Variants in SOD2 observed in about 807,000 individuals in gnomAD.
The protein encoded by SOD2 is superoxide dismutase 2, also known as superoxide dismutase [Mn], mitochondrial.
Under a neutral mutation model 27.0 loss-of-function variants are expected in SOD2, and 11 were observed. The ratio of observed to expected loss-of-function variants is 0.41; its 90% confidence interval spans 0.26 to 0.67. The LOEUF (loss-of-function observed/expected upper bound fraction) is 0.67, where lower values mean the gene tolerates loss of function less well. Among genes scored for constraint, SOD2 ranks in the 30% least tolerant of loss-of-function variants. The pLI is 0.34. For synonymous variants in SOD2, 105 were observed against 103.0 expected, an observed-to-expected ratio of 1.02 and a Z score of -0.12; for missense variants, 250 against 274.5, an observed-to-expected ratio of 0.91 and a Z score of 0.63.
At position 159,756,594 on chromosome 6, in the gene SOD2, C is replaced by CTTTTTTTT. The variant is rs3066261; in HGVS notation, c.-336+4435_-336+4442dup. ...AGAAAATAGTCATCTATTTCTTAGGCTTTTTTTTTTTTTTTTTTTTTAATT... is the reference window on the plus strand; with the variant it reads ...AGAAAATAGTCATCTATTTCTTAGGCTTTTTTTTTTTTTTTTTTTTTTTTTTTTTAATT... On this transcript the variant is annotated intron_variant, in intron 1 of 7. Coordinates refer to the SOD2 transcript ENST00000546087. 5.3e-4 allele frequency among the ~76,000 whole-genome samples: 50 copies of CTTTTTTTT among 94,360 alleles called. 1 individual carries two copies. Among genetic ancestry groups the CTTTTTTTT allele is most frequent in the Admixed American group, 8.6e-4 (6 of 6,988 alleles). 61.9% of individuals were successfully genotyped at this position (94,360 alleles called of 152,430 possible).
At chr6:159,733,652 T>C (rs1409086788) in intron 1 of SOD2, among the ~76,000 whole-genome samples, 2 of 150,880 alleles carry the variant, frequency 1.3e-5, no homozygotes, top group Non-Finnish European at 2.9e-5. Context: ...CGCTGGCTCA[T>C]GCCTGTAGTC....
intron 1 of SOD2, chr6:159,712,950 T>A: frequency 1.6e-6 from 1 of 609,090 alleles, no homozygotes; most frequent in Non-Finnish European, 3.0e-6. Context: ...TGCTGCATAT[T>A]AGCTTTGTCT....
chr6:159,692,386 T>C, intron 2 of SOD2: 7 of 1,358,790 alleles, frequency 5.2e-6, no homozygotes, highest in South Asian at 2.0e-5. Context: ...TGGCAATATG[T>C]GTAACGGAAT....
At chr6:159,741,433 A>G (rs1037424374) in intron 1 of SOD2, among the ~76,000 whole-genome samples, 4 of 152,328 alleles carry the variant, frequency 2.6e-5, no homozygotes, top group Middle Eastern at 3.4e-3. Flanking sequence ...AGAACCTTCA[A>G]TTCTACATAA....
At chr6:159,752,752 C>G (rs1041461973) in intron 1 of SOD2, among the ~76,000 whole-genome samples, 2 of 151,960 alleles carry the variant, frequency 1.3e-5, no homozygotes, top group Admixed American at 1.3e-4. Context: ...AGAAAACTTC[C>G]CTCTCTCCTC....
At chr6:159,761,957 G>T in exon 1 of SOD2, 1 of 1,053,310 alleles carries the variant, frequency 9.5e-7, no homozygotes, top group Non-Finnish European at 1.4e-6. Context: ...GCGGGGAGGT[G>T]GTGCGCGGGG....
chr6:159,742,218 T>G (rs1271296647), intron 1 of SOD2: 1 of 1,307,904 alleles, frequency 7.6e-7, no homozygotes, highest in African/African-American at 1.5e-5. Flanking sequence ...AGGATAGTTG[T>G]TTTTATTAAA....
At position 159,676,722 on chromosome 6, in the gene SOD2, T is replaced by C. The variant is rs1263652661; in HGVS notation, c.*5771A>G. 1 of 152,136 alleles carries C rather than the reference T, an allele frequency of 6.6e-6. No homozygotes were observed. The highest frequency in any genetic ancestry group is 1.5e-5 in the Non-Finnish European group (1 of 68,036). The allele number at this position is 152,136 out of a possible 1,614,324, so 9.4% of individuals were successfully genotyped here. ...AACAAACCTGCATGTTGTACACATG[T>C]ACCCTAGAACTTAAAGTATAATTTA... On this transcript the variant is annotated 3_prime_UTR_variant, in exon 5 of 5. Coordinates refer to ENST00000538183, the MANE Select transcript of SOD2 (RefSeq NM_000636.4).
chr6:159,704,630 G>A (rs1170363144), intron 1 of SOD2, among the ~76,000 whole-genome samples: 2 of 152,222 alleles, frequency 1.3e-5, no homozygotes, highest in African/African-American at 4.8e-5. Flanking sequence ...CAGCCAGGAA[G>A]CTCGGACTGG....
At chr6:159,753,781 A>G (rs1779904061) in intron 1 of SOD2, among the ~76,000 whole-genome samples, 1 of 152,160 alleles carries the variant, frequency 6.6e-6, no homozygotes, top group African/African-American at 2.4e-5. Context: ...AAACAAAGCC[A>G]TATAATTTTA....
At chr6:159,738,929 CAT>C in intron 1 of SOD2, 2 of 1,266,324 alleles carry the variant, frequency 1.6e-6, no homozygotes, top group South Asian at 2.6e-5. Context: ...TCATAGGTCT[CAT>C]TATAGAACTT....
chr6:159,758,450 A>G (rs933830993), intron 1 of SOD2, among the ~76,000 whole-genome samples: 1 of 152,170 alleles, frequency 6.6e-6, no homozygotes, highest in Non-Finnish European at 1.5e-5. Context: ...TGACTACTCC[A>G]GTTTTTGAGA....
At chr6:159,704,844 C>G (rs979590328) in intron 1 of SOD2, among the ~76,000 whole-genome samples, 4 of 152,198 alleles carry the variant, frequency 2.6e-5, no homozygotes, top group Non-Finnish European at 5.9e-5. Flanking sequence ...GGGTCCCTGA[C>G]CCCTGAGTAG....
At chr6:159,729,488 T>A (rs950541623), upstream of SOD2, among the ~76,000 whole-genome samples, 1 of 152,380 alleles carries the variant, frequency 6.6e-6, no homozygotes, top group African/African-American at 2.4e-5. Flanking sequence ...TTTCTGCCTT[T>A]GAAGATGTAG....
intron 1 of SOD2, among the ~76,000 whole-genome samples, chr6:159,724,348 G>A (rs1778098606): frequency 6.6e-6 from 1 of 152,148 alleles, no homozygotes; most frequent in Non-Finnish European, 1.5e-5. Context: ...GCACATCTTT[G>A]TATATAGTAA....
upstream of SOD2, chr6:159,727,458 G>C: frequency 2.0e-6 from 2 of 1,007,108 alleles, no homozygotes; most frequent in Non-Finnish European, 2.4e-6. Context: ...GGGCAGGGCG[G>C]AGCGGAGCCG....
At chr6:159,696,001 A>G (rs1777416164), upstream of SOD2, among the ~76,000 whole-genome samples, 1 of 152,222 alleles carries the variant, frequency 6.6e-6, no homozygotes, top group South Asian at 2.1e-4. Context: ...GTACAGACCT[A>G]TATATTGTTT....
intron 2 of SOD2, chr6:159,692,265 G>C: frequency 1.7e-6 from 1 of 575,198 alleles, no homozygotes; most frequent in East Asian, 3.6e-5. Flanking sequence ...ACCTACCTGA[G>C]AGACCAAACA....
Position 159,669,400 on chromosome 6 carries a change from AGAGTG to A in SOD2, c.*13088_*13092del, listed in dbSNP as rs1355072719. On this transcript the variant is annotated 3_prime_UTR_variant, in exon 5 of 5. Coordinates refer to ENST00000538183, the MANE Select transcript of SOD2 (RefSeq NM_000636.4). The stretch of plus-strand genomic sequence containing the variant: ...AGAAAATCTGTCCAATGCTGAGAGT[AGAGTG>A]AAGTCCTCAACTACTATTGTATTAG... The A allele has an allele frequency of 2.0e-5, 3 of 152,250 alleles. 1 individual carries two copies. Among genetic ancestry groups the A allele is most frequent in the Admixed American group, 1.3e-4 (2 of 15,286 alleles). The allele number at this position is 152,250 out of a possible 1,614,324, so 9.4% of individuals were successfully genotyped here. A position where few individuals can be genotyped will look rare whatever the true frequency, so the allele number is the denominator to read the frequency against.
Sources: gnomAD v4.1 joint callset for allele counts (sites outside exome capture counted in the v4.1 genomes callset) on GRCh38, gnomAD v4.1.1 for gene constraint, MANE v1.5 for transcripts, NCBI Gene and HGNC (gene_info 2026-07-23, HGNC 2026-07-21) for gene names.